Variants in KBTBD3 observed in about 807,000 individuals in gnomAD.
The protein encoded by KBTBD3 is kelch repeat and BTB domain containing 3.
KBTBD3 carries 38 observed loss-of-function variants against 49.6 expected under a neutral mutation model. The ratio of observed to expected loss-of-function variants is 0.77; its 90% CI spans 0.59 to 1.00. The LOEUF (loss-of-function observed/expected upper bound fraction) is 1.00. Among genes scored for constraint, KBTBD3 ranks in the 50% least tolerant of loss-of-function variants. The pLI is 0.00. For synonymous variants in KBTBD3, 214 were observed against 250.4 expected (o/e 0.85, Z 1.37); for missense variants, 661 against 712.0 (o/e 0.93, Z 0.81).
chr11:106,056,350 A>G (rs1336860868), intron 3 of KBTBD3, among the ~76,000 whole-genome samples: 1 of 152,228 alleles, frequency 6.6e-6, no homozygotes, highest in Non-Finnish European at 1.5e-5. Flanking sequence ...TTAAAAACTA[A>G]AAGCAGACCT....
intron 3 of KBTBD3, among the ~76,000 whole-genome samples, chr11:106,055,943 G>T (rs1860542447): frequency 6.6e-6 from 1 of 152,138 alleles, no homozygotes; most frequent in Admixed American, 6.6e-5. Context: ...TAATCTTAGA[G>T]TATCCAGTTA....
chr11:106,058,152 A>C (rs1860593947), intron 3 of KBTBD3: 2 of 361,548 alleles, frequency 5.5e-6, no homozygotes. Flanking sequence ...TGGGAGGCCG[A>C]AGTGGGCGGA....
At chr11:106,063,465 T>G (rs1265736069) in intron 2 of KBTBD3, among the ~76,000 whole-genome samples, 3 of 152,224 alleles carry the variant, frequency 2.0e-5, no homozygotes, top group Non-Finnish European at 4.4e-5. Flanking sequence ...ATTTTAACAA[T>G]GCGAAATGAA....
At chr11:106,055,081 A>G (rs1380400927) in intron 3 of KBTBD3, among the ~76,000 whole-genome samples, 1 of 152,174 alleles carries the variant, frequency 6.6e-6, no homozygotes, top group Non-Finnish European at 1.5e-5. Context: ...AAAAGGTGAA[A>G]AAAAGAAAAG....
intron 2 of KBTBD3, among the ~76,000 whole-genome samples, chr11:106,065,649 T>A (rs994228523): frequency 6.6e-6 from 1 of 152,240 alleles, no homozygotes; most frequent in East Asian, 1.9e-4. Flanking sequence ...GCACAATTTA[T>A]AGACATTATT....
rs765831876 is a variant in KBTBD3, at chr11:106,052,876, G to A, written c.1813C>T (p.Pro605Ser). 2 of 1,612,480 alleles carry A rather than the reference G, an allele frequency of 1.2e-6. No homozygotes were observed. Among genetic ancestry groups the A allele is most frequent in the Non-Finnish European group, 1.7e-6 (2 of 1,179,182 alleles). The change falls in exon 4 of 4, where the codon CCA (proline) becomes TCA (serine). Residue 605 changes from proline (P) to serine (S), a missense_variant. Coordinates refer to ENST00000531837, the MANE Select transcript of KBTBD3 (RefSeq NM_198439.3). ...CAAGCACATAGATTAGAAAACCATG[G>A]GTCTCTGTATTTATTAAACTGAATC... ...QVIQFNKYRD[P>S]WFSNLCA is the part of the protein sequence containing the mutation.
At position 106,052,806 on chromosome 11, in the gene KBTBD3, C is replaced by G. The variant is rs766032500; in HGVS notation, c.*44G>C. On this transcript the variant is annotated 3_prime_UTR_variant, in exon 4 of 4. Coordinates refer to ENST00000531837, the MANE Select transcript of KBTBD3 (RefSeq NM_198439.3). ...TCTTTTTACCTATCATTTTGGTTAA[C>G]AAATTTACTTTAGGTTACTAGAACT... 1 of 1,505,770 alleles carries G rather than the reference C, an allele frequency of 6.6e-7. No individual in the cohort carries two copies. Among genetic ancestry groups the G allele is most frequent in the Non-Finnish European group, 9.0e-7 (1 of 1,114,042 alleles). The allele number at this position is 1,505,770 out of a possible 1,614,324, so 93.3% of individuals were successfully genotyped here.
rs1860446695 is a variant in KBTBD3 at position 106,052,797 on chromosome 11, T to C, written c.*53A>G. ...ATGTATAGATCTTTTTACCTATCAT[T>C]TTGGTTAACAAATTTACTTTAGGTT... On this transcript the variant is annotated 3_prime_UTR_variant, in exon 4 of 4. Coordinates refer to ENST00000531837, the MANE Select transcript of KBTBD3 (RefSeq NM_198439.3). 15 of 1,408,410 alleles carry C rather than the reference T, an allele frequency of 1.1e-5. No individual in the cohort carries two copies. In the South Asian group the frequency reaches 2.0e-4, roughly 19 times the overall value. 87.2% of individuals were successfully genotyped at this position (1,408,410 alleles called of 1,614,324 possible). A position where few individuals can be genotyped will look rare whatever the true frequency, so the allele number is the denominator to read the frequency against.
At chr11:106,064,317 G>C (rs969731096) in intron 2 of KBTBD3, among the ~76,000 whole-genome samples, 4 of 152,028 alleles carry the variant, frequency 2.6e-5, no homozygotes, top group Non-Finnish European at 5.9e-5. Flanking sequence ...AGGCCGAGGC[G>C]GGTGGATCAC....
At chr11:106,070,469 A>G (rs892702002) in intron 2 of KBTBD3, among the ~76,000 whole-genome samples, 12 of 152,150 alleles carry the variant, frequency 7.9e-5, no homozygotes, top group African/African-American at 2.9e-4. Context: ...GAGAATATAC[A>G]GATGGCAAAT....
At chr11:106,073,281 A>G (rs562514811) in intron 2 of KBTBD3, among the ~76,000 whole-genome samples, 430 of 53,352 alleles carry the variant, frequency 8.1e-3, no homozygotes, top group Non-Finnish European at 0.019. Flanking sequence ...TTTTTTTTTA[A>G]TTTAGAGATG....
intron 2 of KBTBD3, among the ~76,000 whole-genome samples, chr11:106,074,165 C>T (rs983430353): frequency 6.6e-6 from 1 of 150,908 alleles, no homozygotes; most frequent in African/African-American, 2.4e-5. Flanking sequence ...GCTTCTCCCA[C>T]CCTACTAGAC....
intron 2 of KBTBD3, among the ~76,000 whole-genome samples, chr11:106,062,305 G>C (rs995360119): frequency 1.3e-5 from 2 of 152,156 alleles, no homozygotes; most frequent in Admixed American, 1.3e-4. Flanking sequence ...TGAGGGCAGA[G>C]AGAGAGAGCA....
Position 106,053,462 on chromosome 11 carries a change from A to G in KBTBD3, c.1227T>C (p.Gly409=). The G allele has an allele frequency of 6.2e-7, 1 of 1,613,622 alleles. No individual in the cohort carries two copies. Among genetic ancestry groups the G allele is most frequent in the East Asian group, 2.2e-5 (1 of 44,868 alleles). The change falls in exon 4 of 4, where the codon GGT becomes GGC. Residue 409 remains glycine (G), a synonymous_variant. Transcript: ENST00000531837. ...VMALDRLFVI[G]GKTRGSRDIK... ...TGTCCCGGGATCCTCTAGTTTTTCC[A>G]CCTATGACAAATAATCTATCGAGAG... is the stretch of plus-strand genomic sequence containing the variant.
At chr11:106,061,676 C>T (rs1282839228) in intron 2 of KBTBD3, among the ~76,000 whole-genome samples, 4 of 151,868 alleles carry the variant, frequency 2.6e-5, no homozygotes, top group Non-Finnish European at 5.9e-5. Context: ...TGGAACTATA[C>T]CATCAGCTCT....
At position 106,072,952 on chromosome 11, in the gene KBTBD3, T is replaced by C. The variant is rs1038469916; in HGVS notation, c.-13+3555A>G. ...AATAAAGTAGGCAAATAAATAATTA[T>C]ACATTTTTATAAGTACTGTGAAGAC... On this transcript the variant is annotated intron_variant, in intron 2 of 3. Coordinates refer to ENST00000531837, the MANE Select transcript of KBTBD3 (RefSeq NM_198439.3). Among the ~76,000 whole-genome samples the C allele has an allele frequency of 3.3e-5, 5 of 152,338 alleles. No individual in the cohort carries two copies. The South Asian group carries it at 1.0e-3, about 32-fold the overall frequency.
chr11:106,057,172 T>C (rs535594025), intron 3 of KBTBD3, among the ~76,000 whole-genome samples: 1 of 152,196 alleles, frequency 6.6e-6, no homozygotes, highest in South Asian at 2.1e-4. Flanking sequence ...TATCAGTAAA[T>C]GTTTGTTGAA....
In KBTBD3 at chr11:106,076,719, G is replaced by C. The variant is rs1861037923; in HGVS notation, c.-213-12C>G. ...CCTACACGGAACAACTAAGGAAACAGACATACATCAATATGACCCTTCGCA... is the reference window on the plus strand; with the variant it reads ...CCTACACGGAACAACTAAGGAAACACACATACATCAATATGACCCTTCGCA... On this transcript the variant is annotated splice_polypyrimidine_tract_variant and intron_variant, in intron 1 of 3. Transcript: ENST00000531837. 1 of 152,188 alleles carries C rather than the reference G, an allele frequency of 6.6e-6. No individual in the cohort carries two copies. The highest frequency in any genetic ancestry group is 1.5e-5 in the Non-Finnish European group (1 of 68,042). The allele number at this position is 152,188 out of a possible 1,614,324, so 9.4% of individuals were successfully genotyped here. A position where few individuals can be genotyped will look rare whatever the true frequency, so the allele number is the denominator to read the frequency against.
At chr11:106,057,994 A>C (rs1860588856) in intron 3 of KBTBD3, 1 of 398,500 alleles carries the variant, frequency 2.5e-6, no homozygotes, top group Non-Finnish European at 4.4e-6. Flanking sequence ...CTTCTGTCCC[A>C]GCGTAGTTCA....
Sources: gnomAD v4.1 joint callset for allele counts (sites outside exome capture counted in the v4.1 genomes callset) on GRCh38, gnomAD v4.1.1 for gene constraint, MANE v1.5 for transcripts, NCBI Gene and HGNC (gene_info 2026-07-23, HGNC 2026-07-21) for gene names.